FAM120A: variants seen among roughly 807,000 people sequenced by gnomAD.
FAM120A encodes family with sequence similarity 120 member A, also known as constitutive coactivator of PPAR-gamma-like protein 1.
FAM120A carries 15 observed loss-of-function variants against 109.7 expected under a neutral mutation model. The ratio of observed to expected loss-of-function variants is 0.14; its 90% CI spans 0.09 to 0.21. The LOEUF (loss-of-function observed/expected upper bound fraction) is 0.21, where lower values mean the gene tolerates loss of function less well. Among genes scored for constraint, FAM120A ranks in the 10% least tolerant of loss-of-function variants. The pLI is 1.00. For synonymous variants in FAM120A, 493 were observed against 572.8 expected (o/e 0.86, Z 1.99); for missense variants, 899 against 1,439.3 (o/e 0.62, Z 6.07).
intron 3 of FAM120A, among the ~76,000 whole-genome samples, chr9:93,495,629 T>G (rs1226075919): frequency 6.6e-6 from 1 of 152,348 alleles, no homozygotes; most frequent in African/African-American, 2.4e-5. Context: ...ATACATCCCT[T>G]AATCAAAAAT....
At chr9:93,497,212 G>C (rs1859612671) in intron 3 of FAM120A, among the ~76,000 whole-genome samples, 1 of 152,228 alleles carries the variant, frequency 6.6e-6, no homozygotes, top group African/African-American at 2.4e-5. Flanking sequence ...GTGGAAGACT[G>C]TCAGATGCTC....
intron 10 of FAM120A, among the ~76,000 whole-genome samples, chr9:93,541,371 G>A (rs1056169071): frequency 2.0e-5 from 3 of 152,190 alleles, no homozygotes; most frequent in Non-Finnish European, 1.5e-5. Context: ...TGTATGTTCC[G>A]AGTCTACTTC....
rs374173115 is a variant in FAM120A at position 93,473,774 on chromosome 9, G to A, written c.721+2387G>A. Among the ~76,000 whole-genome samples the A allele has an allele frequency of 5.3e-5, 8 of 152,132 alleles. No individual in the cohort carries two copies. In the East Asian group the frequency reaches 7.7e-4, roughly 15 times the overall value. Reference sequence around the variant, plus strand: ...CCTTTGGGGATTTGGGGATTAAAACGAATCTTTTAAATATATTTTCAAATA... The same window carrying A: ...CCTTTGGGGATTTGGGGATTAAAACAAATCTTTTAAATATATTTTCAAATA... On this transcript the variant is annotated intron_variant, in intron 2 of 17. Transcript: ENST00000277165.
intron 1 of FAM120A, among the ~76,000 whole-genome samples, chr9:93,463,639 T>C (rs556114791): frequency 6.0e-4 from 91 of 152,352 alleles, no homozygotes; most frequent in South Asian, 4.3e-3. Flanking sequence ...ACTGCCTTTT[T>C]GGTAGTTGTT....
chr9:93,481,457 C>T (rs1220331611), intron 3 of FAM120A, among the ~76,000 whole-genome samples: 2 of 152,174 alleles, frequency 1.3e-5, no homozygotes, highest in African/African-American at 4.8e-5. Flanking sequence ...GGGTGTTCTA[C>T]ATCCTATTGA....
chr9:93,529,283 C>T, intron 8 of FAM120A, 70 bp from the exon 9 acceptor site: 1 of 1,379,540 alleles, frequency 7.2e-7, no homozygotes, highest in East Asian at 2.4e-5. Flanking sequence ...GAACAGGCAC[C>T]TACCATACTT....
Position 93,500,352 on chromosome 9 carries a change from C to T in FAM120A, c.1030+1466C>T, listed in dbSNP as rs1234533122. On this transcript the variant is annotated intron_variant, in intron 5 of 17. Transcript: ENST00000277165. The surrounding 1 kb of genome is among the most constrained non-coding windows in gnomAD (Gnocchi z 4.6). ...TGCATGAACCAAGCTAGCTTCTGCCCTGGGCCTCTGGGCCGGCTTTTGTGC... is the reference window on the plus strand; with the variant it reads ...TGCATGAACCAAGCTAGCTTCTGCCTTGGGCCTCTGGGCCGGCTTTTGTGC... Among the ~76,000 whole-genome samples the T allele has an allele frequency of 6.6e-6, 1 of 152,250 alleles. No homozygotes were observed. The highest frequency in any genetic ancestry group is 1.5e-5 in the Non-Finnish European group (1 of 68,046).
At chr9:93,509,056 C>T (rs2131383179) in intron 5 of FAM120A, among the ~76,000 whole-genome samples, 1 of 152,352 alleles carries the variant, frequency 6.6e-6, no homozygotes. Flanking sequence ...GAACAGAGCC[C>T]ACTGCAGGCT....
chr9:93,467,267 C>G (rs1858087920), intron 1 of FAM120A, among the ~76,000 whole-genome samples: 1 of 129,344 alleles, frequency 7.7e-6, no homozygotes, highest in African/African-American at 2.7e-5. Context: ...CCTTTTCCCC[C>G]ATTGAATAAC....
chr9:93,547,793 G>T (rs1383839389), intron 11 of FAM120A, among the ~76,000 whole-genome samples: 1 of 152,202 alleles, frequency 6.6e-6, no homozygotes, highest in Non-Finnish European at 1.5e-5. Context: ...AGCTGACCAA[G>T]AGTTAAGTTC....
intron 12 of FAM120A, among the ~76,000 whole-genome samples, chr9:93,555,142 ATCTAAT>A (rs547525531): frequency 2.8e-4 from 43 of 152,298 alleles, no homozygotes; most frequent in African/African-American, 1.0e-3. Context: ...ATAAAAATGC[ATCTAAT>A]TCTATCACCC....
intron 1 of FAM120A, among the ~76,000 whole-genome samples, chr9:93,468,285 A>G (rs980076892): frequency 6.6e-6 from 1 of 152,254 alleles, no homozygotes. Context: ...TTGGGGAACC[A>G]TGAAATGCAA....
In FAM120A at chr9:93,564,836, T is replaced by A. The variant is rs4330749; in HGVS notation, c.*296T>A. On this transcript the variant is annotated 3_prime_UTR_variant, in exon 18 of 18. Coordinates refer to ENST00000277165, the MANE Select transcript of FAM120A (RefSeq NM_014612.5). ...TTTAAACTGGTTATGACAAAAGCCTTTAGTTGTGTTTCTTGAACTATAAAG... is the reference window on the plus strand; with the variant it reads ...TTTAAACTGGTTATGACAAAAGCCTATAGTTGTGTTTCTTGAACTATAAAG... 253,566 of 275,832 alleles carry A rather than the reference T, an allele frequency of 0.92. 116,669 individuals are homozygous for A. The highest frequency in any genetic ancestry group is 1 in the East Asian group (14,899 of 14,904). 17.1% of individuals were successfully genotyped at this position (275,832 alleles called of 1,614,324 possible).
chr9:93,533,041 C>T (rs1861390514), intron 10 of FAM120A, among the ~76,000 whole-genome samples: 1 of 152,042 alleles, frequency 6.6e-6, no homozygotes, highest in Non-Finnish European at 1.5e-5. Context: ...ATTTTATCTC[C>T]TAATGTAAGG....
chr9:93,556,736 T>C, intron 13 of FAM120A, 145 bp downstream of exon 13: 1 of 727,272 alleles, frequency 1.4e-6, no homozygotes, highest in Non-Finnish European at 2.3e-6. Context: ...TCACTAAATA[T>C]CACTTCAGTA....
chr9:93,492,711 G>T (rs1356073492), intron 3 of FAM120A, among the ~76,000 whole-genome samples: 1 of 152,166 alleles, frequency 6.6e-6, no homozygotes, highest in Non-Finnish European at 1.5e-5. Flanking sequence ...TGCATGGTCA[G>T]CAAATTATAA....
chr9:93,458,313 CCT>C (rs72248774), intron 1 of FAM120A, among the ~76,000 whole-genome samples: 5,771 of 152,164 alleles, frequency 0.038, 154 homozygotes, highest in Non-Finnish European at 0.059. Flanking sequence ...CCGTCTGTCC[CCT>C]GCTTGCCTTC....
At chr9:93,503,412 C>A (rs368158181) in intron 5 of FAM120A, among the ~76,000 whole-genome samples, 1 of 152,030 alleles carries the variant, frequency 6.6e-6, no homozygotes, top group Non-Finnish European at 1.5e-5. Context: ...AAAAGCAATG[C>A]GCTATCAAGC....
chr9:93,482,521 TTAAC>T (rs1281719461), intron 3 of FAM120A, among the ~76,000 whole-genome samples: 5 of 152,140 alleles, frequency 3.3e-5, no homozygotes, highest in Admixed American at 1.3e-4. Context: ...AGGGGTATCT[TTAAC>T]TATATTTTTT....
Sources: allele counts gnomAD v4.1 joint callset (sites outside exome capture counted in the v4.1 genomes callset), GRCh38; gene constraint gnomAD v4.1.1; non-coding constraint Gnocchi (gnomAD v3.1); transcripts MANE v1.5; gene names NCBI Gene and HGNC (gene_info 2026-07-23, HGNC 2026-07-21).